Variants in GGA3 observed in about 807,000 individuals in gnomAD.
GGA3 encodes golgi associated, gamma adaptin ear containing, ARF binding protein 3.
In GGA3, 57 loss-of-function variants were observed where a neutral mutation model predicts 77.5. The observed-to-expected ratio is 0.74, with a 90% CI of 0.59 to 0.92. The LOEUF (loss-of-function observed/expected upper bound fraction) is 0.92, where lower values mean the gene tolerates loss of function less well. GGA3 is among the 40% of genes least tolerant of loss of function. GGA3 has a pLI of 0.00. For synonymous variants in GGA3, 416 were observed against 383.7 expected (o/e 1.08, Z -0.98); for missense variants, 970 against 914.9 (o/e 1.06, Z -0.78).
intron 1 of GGA3, among the ~76,000 whole-genome samples, chr17:75,255,052 T>C (rs2077095847): frequency 6.6e-6 from 1 of 152,218 alleles, no homozygotes; most frequent in Non-Finnish European, 1.5e-5. Flanking sequence ...AGACTGACGC[T>C]GCCCGATCGC....
At chr17:75,249,611 T>A (rs537651218) in intron 1 of GGA3, among the ~76,000 whole-genome samples, 1 of 152,270 alleles carries the variant, frequency 6.6e-6, no homozygotes, top group East Asian at 1.9e-4. Flanking sequence ...TGCTTAAAGT[T>A]CTCACATAAC....
rs1427164025 is a variant in GGA3, at chr17:75,238,744, G to A, written c.1969C>T (p.Gln657Ter). ...GAGAGTTCTGTCCCAGAAGGTGGCT[G>A]CAACTTCACTTTCATTGACTAAAGA... is the stretch of plus-strand genomic sequence containing the variant. ...AVPKSMKVKL[Q>*]PPSGTELSPF... is the part of the protein sequence containing the mutation. The change falls in exon 16 of 17, where the codon CAG becomes TAG. Residue 657 changes from glutamine to a stop codon, truncating the protein, a stop_gained. Coordinates refer to ENST00000537686, the MANE Select transcript of GGA3 (RefSeq NM_138619.4). LOFTEE classifies it high-confidence loss of function. 6.2e-7 allele frequency: 1 copy of A among 1,613,240 alleles called. No individual in the cohort carries two copies. Among genetic ancestry groups the A allele is most frequent in the South Asian group, 1.1e-5 (1 of 91,022 alleles).
At position 75,237,751 on chromosome 17, in the gene GGA3, G is replaced by A. The variant is rs1224011166; in HGVS notation, c.*528C>T. The A allele has an allele frequency of 2.1e-6, 3 of 1,431,372 alleles. No individual in the cohort carries two copies. Among genetic ancestry groups the A allele is most frequent in the Non-Finnish European group, 2.7e-6 (3 of 1,097,368 alleles). The allele number at this position is 1,431,372 out of a possible 1,614,324, so 88.7% of individuals were successfully genotyped here. A position where few individuals can be genotyped will look rare whatever the true frequency, so the allele number is the denominator to read the frequency against. On this transcript the variant is annotated 3_prime_UTR_variant, in exon 17 of 17. Coordinates refer to ENST00000537686, the MANE Select transcript of GGA3 (RefSeq NM_138619.4). ...TGCAGTATGCCAGTTCCTTATTCTG[G>A]GCCAGGCACCTTCCTGGGCCACCTC...
In GGA3 at chr17:75,238,238, C is replaced by G. The variant is rs373466563; in HGVS notation, c.*41G>C. On this transcript the variant is annotated 3_prime_UTR_variant, in exon 17 of 17. Coordinates refer to ENST00000537686, the MANE Select transcript of GGA3 (RefSeq NM_138619.4). ...CAGAGCCCTCCTCGTCTCAGGGCAGCCTGCCTGGCTTCAAGGTGGAGATCA... is the reference window on the plus strand; with the variant it reads ...CAGAGCCCTCCTCGTCTCAGGGCAGGCTGCCTGGCTTCAAGGTGGAGATCA... 144 of 1,603,738 alleles carry G rather than the reference C, an allele frequency of 9.0e-5. No homozygotes were observed. The highest frequency in any genetic ancestry group is 9.4e-5 in the Non-Finnish European group (110 of 1,173,654).
intron 1 of GGA3, among the ~76,000 whole-genome samples, chr17:75,255,429 G>A (rs199691914): frequency 1.3e-5 from 2 of 151,896 alleles, no homozygotes; most frequent in Non-Finnish European, 2.9e-5. Context: ...AGCCTCCTTT[G>A]CGTCCTCCTC....
chr17:75,250,217 G>A (rs541593602), intron 1 of GGA3, among the ~76,000 whole-genome samples: 2 of 152,210 alleles, frequency 1.3e-5, no homozygotes, highest in African/African-American at 2.4e-5. Context: ...GGTGACACCC[G>A]AGCTTCCCCT....
At chr17:75,246,077 G>GACACCTTC (rs371185893) in intron 3 of GGA3, among the ~76,000 whole-genome samples, 22 of 152,188 alleles carry the variant, frequency 1.4e-4, no homozygotes, top group African/African-American at 5.3e-4. Flanking sequence ...CCATCAGTGC[G>GACACCTTC]ACACCTTCGC....
At position 75,237,049 on chromosome 17, in the gene GGA3, G is replaced by A; in HGVS notation, c.*1230C>T. On this transcript the variant is annotated 3_prime_UTR_variant, in exon 17 of 17. Transcript: ENST00000537686. ...GAGCTTGTTCACCTGGGCTCCGCAA[G>A]CTTCCCCCGTGTCTATGGCAGCTGG... 4.7e-6 allele frequency: 1 copy of A among 211,600 alleles called. No individual in the cohort carries two copies. 13.1% of individuals were successfully genotyped at this position (211,600 alleles called of 1,614,324 possible).
intron 4 of GGA3, 62 bp from the exon 5 acceptor site, chr17:75,243,632 G>C: frequency 6.4e-7 from 1 of 1,555,156 alleles, no homozygotes; most frequent in East Asian, 2.3e-5. Flanking sequence ...AAAGTGTAAG[G>C]CTCCCTCCAC....
At position 75,240,861 on chromosome 17, in the gene GGA3, G is replaced by C; in HGVS notation, c.1143C>G (p.Ser381Arg). ...GCCAGGAGAGGGCGTTGCTTGTGCTGCTGGGCCCCAGGGTGGCCTCGGCCT... is the reference window on the plus strand; with the variant it reads ...GCCAGGAGAGGGCGTTGCTTGTGCTCCTGGGCCCCAGGGTGGCCTCGGCCT... ...SSQAEATLGPSSTSNALSWLD... is the reference protein window; with the variant it reads ...SSQAEATLGPRSTSNALSWLD... Residue 381 changes from serine to arginine, a missense_variant, in exon 11 of 17, where the codon AGC becomes AGG. Physicochemically the swap from Ser to Arg is moderately radical, Grantham distance 110. Transcript: ENST00000537686. 1 of 1,613,394 alleles carries C rather than the reference G, an allele frequency of 6.2e-7. No individual in the cohort carries two copies. The highest frequency in any genetic ancestry group is 8.5e-7 in the Non-Finnish European group (1 of 1,179,848).
chr17:75,252,828 T>C (rs751998341), intron 1 of GGA3, among the ~76,000 whole-genome samples: 13 of 152,206 alleles, frequency 8.5e-5, no homozygotes, highest in Non-Finnish European at 1.6e-4. Context: ...TTCTTCGTAA[T>C]TCTCCCCACC....
At chr17:75,238,469 G>T in intron 16 of GGA3, 80 bp from the exon 17 acceptor site, 1 of 1,260,698 alleles carries the variant, frequency 7.9e-7, no homozygotes, top group Non-Finnish European at 1.1e-6. Context: ...CCCTCTCTGT[G>T]CTAGAGGAAT....
upstream of GGA3, chr17:75,261,661 T>C (rs1223101624): frequency 8.6e-6 from 12 of 1,397,208 alleles, no homozygotes; most frequent in Non-Finnish European, 1.2e-5. Flanking sequence ...GGGGCCTGCA[T>C]GGGGTCCTGA....
intron 7 of GGA3, 101 bp downstream of exon 7, chr17:75,242,730 G>T: frequency 1.9e-6 from 2 of 1,060,100 alleles, no homozygotes; most frequent in African/African-American, 1.6e-5. Flanking sequence ...GCAGCTGGCA[G>T]CAGGGGAGAA....
upstream of GGA3, chr17:75,262,188 A>C (rs2077411928): frequency 1.5e-6 from 1 of 687,486 alleles, no homozygotes; most frequent in Non-Finnish European, 2.4e-6. Context: ...CTAGGGTTCT[A>C]ACGCGGAGCT....
At position 75,240,124 on chromosome 17, in the gene GGA3, A is replaced by AGGGTGGTGAGCCGAGGGC. The variant is rs2076488311; in HGVS notation, c.1264-34_1264-17dup. 2 of 605,656 alleles carry AGGGTGGTGAGCCGAGGGC rather than the reference A, an allele frequency of 3.3e-6. No individual in the cohort carries two copies. The highest frequency in any genetic ancestry group is 4.8e-5 in the African/African-American group (2 of 41,776). The allele number at this position is 605,656 out of a possible 1,614,324, so 37.5% of individuals were successfully genotyped here. ...ACTGTTCCCTCTATGAACAACAGAA[A>AGGGTGGTGAGCCGAGGGC]GGGTGGTGAGCCGAGGGCGGGTGGG... On this transcript the variant is annotated splice_polypyrimidine_tract_variant and intron_variant, in intron 12 of 16. Transcript: ENST00000537686.
At chr17:75,239,698 A>G (rs1170491772) in intron 13 of GGA3, 91 bp downstream of exon 13, 4 of 1,511,608 alleles carry the variant, frequency 2.6e-6, no homozygotes, top group African/African-American at 1.4e-5. Context: ...TGATGGGACT[A>G]CAAGGCACCC....
intron 1 of GGA3, among the ~76,000 whole-genome samples, chr17:75,254,949 G>A (rs373622151): frequency 6.6e-5 from 10 of 152,118 alleles, no homozygotes; most frequent in South Asian, 4.2e-4. Context: ...AAATTGGACT[G>A]TTCAACTCAC....
chr17:75,259,454 G>A (rs1452036401), intron 1 of GGA3, among the ~76,000 whole-genome samples: 1 of 152,076 alleles, frequency 6.6e-6, no homozygotes, highest in Non-Finnish European at 1.5e-5. Context: ...ACGGGAGCAG[G>A]GCTTCCAGGT....
Sources: allele counts gnomAD v4.1 joint callset (sites outside exome capture counted in the v4.1 genomes callset), GRCh38; gene constraint gnomAD v4.1.1; transcripts MANE v1.5; gene names NCBI Gene and HGNC (gene_info 2026-07-23, HGNC 2026-07-21).